SLC12A8: variants seen among roughly 807,000 people sequenced by gnomAD.
The protein encoded by SLC12A8 is cation-chloride cotransporter 9.
SLC12A8 carries 69 observed loss-of-function variants against 75.6 expected under a neutral mutation model. The observed-to-expected ratio is 0.91, with a 90% CI of 0.75 to 1.11. The LOEUF is 1.11. Ranked by LOEUF, SLC12A8 falls within the 50% of genes most tolerant of loss-of-function variation. SLC12A8 has a pLI of 0.00. For missense variants in SLC12A8, 877 were observed against 896.7 expected (o/e 0.98, Z 0.28); for synonymous variants, 365 against 372.8 (o/e 0.98, Z 0.24).
intron 5 of SLC12A8, among the ~76,000 whole-genome samples, chr3:125,167,681 G>A (rs1393259016): frequency 1.3e-5 from 2 of 152,210 alleles, no homozygotes; most frequent in African/African-American, 2.4e-5. Flanking sequence ...CCACACAGGG[G>A]ATCCTGGATT....
intron 5 of SLC12A8, among the ~76,000 whole-genome samples, chr3:125,164,993 T>G (rs1934255196): frequency 6.6e-6 from 1 of 152,204 alleles, no homozygotes; most frequent in Non-Finnish European, 1.5e-5. Flanking sequence ...TCAGCTATTC[T>G]GAGACTTTCT....
intron 5 of SLC12A8, among the ~76,000 whole-genome samples, chr3:125,136,631 A>T (rs1933502501): frequency 6.6e-6 from 1 of 152,110 alleles, no homozygotes; most frequent in Admixed American, 6.6e-5. Flanking sequence ...TTTCTCTTAG[A>T]TCTCTCAGCC....
At position 125,135,793 on chromosome 3, in the gene SLC12A8, G is replaced by C; in HGVS notation, c.623-11C>G. On this transcript the variant is annotated splice_polypyrimidine_tract_variant and intron_variant, in intron 5 of 13. Coordinates refer to ENST00000469902, the MANE Select transcript of SLC12A8 (RefSeq NM_024628.6). ...CAATGAAACCATGTTCTGAAATAAA[G>C]CAATGGAGAGCAACGTAAGCCCAGT... 6.6e-7 allele frequency: 1 copy of C among 1,504,278 alleles called. No homozygotes were observed. The highest frequency in any genetic ancestry group is 1.4e-5 in the African/African-American group (1 of 72,168). The allele number at this position is 1,504,278 out of a possible 1,614,324, so 93.2% of individuals were successfully genotyped here.
rs369916924 is a variant in SLC12A8 at position 125,118,820 on chromosome 3, G to A, written c.861C>T (p.Gly287=). ...FLYIIFVFLL[G]AICTREALRY... is the part of the protein sequence containing the mutation. ...GAAGGGCCTCTCGAGTGCAGATGGC[G>A]CCCAGGAGGAAGACGAAGATGATGT... is the stretch of plus-strand genomic sequence containing the variant. The change falls in exon 8 of 14, where the codon GGC becomes GGT. Residue 287 remains glycine (G), a synonymous_variant. Coordinates refer to ENST00000469902, the MANE Select transcript of SLC12A8 (RefSeq NM_024628.6). The A allele has an allele frequency of 2.2e-5, 36 of 1,613,522 alleles. No individual in the cohort carries two copies. The African/African-American group carries it at 2.3e-4, about 10-fold the overall frequency.
At chr3:125,179,301 C>T (rs1460519378) in intron 4 of SLC12A8, among the ~76,000 whole-genome samples, 3 of 152,268 alleles carry the variant, frequency 2.0e-5, no homozygotes, top group South Asian at 2.1e-4. Context: ...TGTCTCCCCA[C>T]CCCACCACCA....
At chr3:125,129,089 C>T (rs552032979) in intron 6 of SLC12A8, among the ~76,000 whole-genome samples, 7 of 152,306 alleles carry the variant, frequency 4.6e-5, no homozygotes, top group East Asian at 1.9e-4. Context: ...CACATTTTTT[C>T]GTGCTGGGTG....
chr3:125,206,416 A>T (rs186945047), intron 2 of SLC12A8, among the ~76,000 whole-genome samples: 1 of 152,290 alleles, frequency 6.6e-6, no homozygotes, highest in East Asian at 1.9e-4. Context: ...TTGCTTCTTG[A>T]CACGACAAGC....
intron 6 of SLC12A8, among the ~76,000 whole-genome samples, chr3:125,125,689 G>A (rs1210011434): frequency 6.6e-6 from 1 of 152,244 alleles, no homozygotes; most frequent in Admixed American, 6.5e-5. Context: ...AAGAAGGGAA[G>A]CCATTTGATT....
In SLC12A8 at chr3:125,091,544, G is replaced by C. The variant is rs35341788; in HGVS notation, c.1816C>G (p.Leu606Val). Residue 606 changes from leucine (L) to valine (V), a missense_variant, in exon 12 of 14, where the codon CTT becomes GTT. Transcript: ENST00000469902. ...CACTGTATCACAAACATGATGAGAA[G>C]GGACCCAACAGCCTGTGAAAACAGA... ...WVSLLGAVGS[L>V]LIMFVIQWVY... 1,679 of 1,612,606 alleles carry C rather than the reference G, an allele frequency of 1.0e-3. 13 individuals carry two copies. In the African/African-American group the frequency reaches 0.018, roughly 18 times the overall value.
intron 5 of SLC12A8, among the ~76,000 whole-genome samples, chr3:125,176,215 T>C (rs1386149200): frequency 1.3e-5 from 2 of 152,146 alleles, no homozygotes; most frequent in Non-Finnish European, 2.9e-5. Flanking sequence ...AGCTTTAGCA[T>C]CAAACAGATC....
chr3:125,102,902 G>A (rs542624739), intron 10 of SLC12A8, among the ~76,000 whole-genome samples: 3 of 152,312 alleles, frequency 2.0e-5, no homozygotes, highest in African/African-American at 4.8e-5. Context: ...TGCTGGCAGG[G>A]AGCAGCCCAG....
At chr3:125,156,098 G>GC (rs1393776465) in intron 5 of SLC12A8, among the ~76,000 whole-genome samples, 1 of 152,210 alleles carries the variant, frequency 6.6e-6, no homozygotes, top group Non-Finnish European at 1.5e-5. Context: ...GCCTCATCAT[G>GC]CTCTCACGGG....
intron 7 of SLC12A8, 149 bp from the exon 8 acceptor site, chr3:125,119,005 G>C: frequency 5.3e-6 from 3 of 564,162 alleles, no homozygotes; most frequent in Non-Finnish European, 9.7e-6. Flanking sequence ...TGGCTTGGGA[G>C]GACACTTTTT....
chr3:125,189,425 T>G (rs1934864259), intron 3 of SLC12A8, among the ~76,000 whole-genome samples: 1 of 152,232 alleles, frequency 6.6e-6, no homozygotes, highest in African/African-American at 2.4e-5. Flanking sequence ...CTTCAAAGCC[T>G]GGCTCAACTG....
At chr3:125,160,030 C>A (rs561810327) in intron 5 of SLC12A8, among the ~76,000 whole-genome samples, 1 of 152,244 alleles carries the variant, frequency 6.6e-6, no homozygotes, top group Non-Finnish European at 1.5e-5. Context: ...TGACCTCGAA[C>A]TCTTGGGCTC....
chr3:125,169,832 C>T (rs1244694759), intron 5 of SLC12A8, among the ~76,000 whole-genome samples: 1 of 152,190 alleles, frequency 6.6e-6, no homozygotes, highest in Admixed American at 6.5e-5. Flanking sequence ...GTGGATGGAA[C>T]TCCCGATCAG....
At chr3:125,091,349 T>G in intron 12 of SLC12A8, 90 bp downstream of exon 12, 2 of 829,338 alleles carry the variant, frequency 2.4e-6, no homozygotes, top group Non-Finnish European at 2.1e-6. Context: ...GAATCAGTGT[T>G]GGCATTCAAT....
At chr3:125,123,317 G>C (rs147080885) in intron 6 of SLC12A8, among the ~76,000 whole-genome samples, 2 of 145,254 alleles carry the variant, frequency 1.4e-5, no homozygotes, top group Non-Finnish European at 3.0e-5. Flanking sequence ...AGAAGTTGCA[G>C]TGAGCGGATA....
intron 5 of SLC12A8, among the ~76,000 whole-genome samples, chr3:125,152,005 A>C (rs1297527503): frequency 2.6e-5 from 4 of 152,222 alleles, no homozygotes; most frequent in African/African-American, 9.6e-5. Flanking sequence ...CCCAAGGTCA[A>C]GGATTGAGAA....
Sources: gnomAD v4.1 joint callset for allele counts (sites outside exome capture counted in the v4.1 genomes callset) on GRCh38, gnomAD v4.1.1 for gene constraint, MANE v1.5 for transcripts, NCBI Gene and HGNC (gene_info 2026-07-23, HGNC 2026-07-21) for gene names.